The following PGGT1B variants were observed in gnomAD, a reference collection of about 807,000 sequenced individuals.
The protein encoded by PGGT1B is protein geranylgeranyltransferase type I subunit beta.
Under a neutral mutation model 46.1 loss-of-function variants are expected in PGGT1B, and 30 were observed. That is an observed-to-expected ratio of 0.65 (90% CI 0.49 to 0.88). The LOEUF (loss-of-function observed/expected upper bound fraction) is 0.88. PGGT1B is among the 40% of genes least tolerant of loss of function. PGGT1B has a pLI of 0.00. For synonymous variants in PGGT1B, 170 were observed against 160.0 expected (o/e 1.06, Z -0.47); for missense variants, 376 against 455.9 (o/e 0.82, Z 1.60).
rs934908468 is a variant in PGGT1B, at chr5:115,228,050, T to TA, written c.658+2925dup. Among the ~76,000 whole-genome samples, 11 of 152,304 alleles carry TA rather than the reference T, an allele frequency of 7.2e-5. 1 individual carries two copies. The highest frequency in any genetic ancestry group is 2.0e-4 in the Admixed American group (3 of 15,284). On this transcript the variant is annotated intron_variant, in intron 6 of 8. Transcript: ENST00000419445. ...TTCCCCCAGGCCAAAAAAATTTTTT[T>TA]AAAAAATCAATAAATCTACGTTATT... is the stretch of plus-strand genomic sequence containing the variant.
rs762202734 is a variant in PGGT1B, at chr5:115,262,876, G to A, written c.-25C>T. Reference sequence around the variant, plus strand: ...TGCTGCTCCGGAAGCGACGTCCGCCGCGACCCGGAATCAGTGCCCGCGGAG... The same window carrying A: ...TGCTGCTCCGGAAGCGACGTCCGCCACGACCCGGAATCAGTGCCCGCGGAG... On this transcript the variant is annotated 5_prime_UTR_variant, in exon 1 of 9. Coordinates refer to ENST00000419445, the MANE Select transcript of PGGT1B (RefSeq NM_005023.4). The A allele has an allele frequency of 6.2e-7, 1 of 1,611,098 alleles. No homozygotes were observed. The highest frequency in any genetic ancestry group is 1.1e-5 in the South Asian group (1 of 90,918).
At position 115,207,798 on chromosome 5, in the gene PGGT1B, C is replaced by T. The variant is rs1389126301; in HGVS notation, c.*4604G>A. 9 of 152,188 alleles carry T rather than the reference C, an allele frequency of 5.9e-5. No individual in the cohort carries two copies. In the East Asian group the frequency reaches 1.7e-3, roughly 29 times the overall value. 9.4% of individuals were successfully genotyped at this position (152,188 alleles called of 1,614,324 possible). A position where few individuals can be genotyped will look rare whatever the true frequency, so the allele number is the denominator to read the frequency against. ...ACTTCATTGGCTATAACTCTCAACA[C>T]ATTGTTAAGTAGCAGAGGAGTTAGT... On this transcript the variant is annotated 3_prime_UTR_variant, in exon 9 of 9. Coordinates refer to ENST00000419445, the MANE Select transcript of PGGT1B (RefSeq NM_005023.4).
In PGGT1B at chr5:115,207,829, T is replaced by C. The variant is rs1456905311; in HGVS notation, c.*4573A>G. ...TAAGTAGCAGAGGAGTTAGTGGGCA[T>C]GTCTTGTTCCTGACTTCAGCTGGAA... On this transcript the variant is annotated 3_prime_UTR_variant, in exon 9 of 9. Coordinates refer to ENST00000419445, the MANE Select transcript of PGGT1B (RefSeq NM_005023.4). The C allele has an allele frequency of 1.1e-4, 16 of 152,112 alleles. No individual in the cohort carries two copies. The highest frequency in any genetic ancestry group is 1.0e-3 in the Admixed American group (16 of 15,244). 9.4% of individuals were successfully genotyped at this position (152,112 alleles called of 1,614,324 possible).
At position 115,212,230 on chromosome 5, in the gene PGGT1B, A is replaced by T; in HGVS notation, c.*172T>A. ...TCAAACTTCAACAAAGATTTTCTTG[A>T]AACCCAGTATAAAGATTACTGGCTC... On this transcript the variant is annotated 3_prime_UTR_variant, in exon 9 of 9. Coordinates refer to ENST00000419445, the MANE Select transcript of PGGT1B (RefSeq NM_005023.4). The T allele has an allele frequency of 7.6e-6, 9 of 1,180,244 alleles. No homozygotes were observed. The highest frequency in any genetic ancestry group is 1.0e-5 in the Non-Finnish European group (9 of 876,312). 73.1% of individuals were successfully genotyped at this position (1,180,244 alleles called of 1,614,324 possible).
At chr5:115,237,767 C>A in intron 4 of PGGT1B, 91 bp downstream of exon 4, 1 of 1,041,772 alleles carries the variant, frequency 9.6e-7, no homozygotes, top group South Asian at 2.0e-5. Flanking sequence ...AGAGTATGAT[C>A]CTCTAAAGAT....
chr5:115,251,052 T>TA (rs1158582737), intron 2 of PGGT1B, among the ~76,000 whole-genome samples: 3 of 152,164 alleles, frequency 2.0e-5, no homozygotes, highest in Non-Finnish European at 4.4e-5. Flanking sequence ...TAGGCTCTTA[T>TA]AAAAAATACT....
At chr5:115,223,459 T>C (rs931060028) in intron 6 of PGGT1B, among the ~76,000 whole-genome samples, 30 of 152,080 alleles carry the variant, frequency 2.0e-4, no homozygotes, top group Non-Finnish European at 3.5e-4. Flanking sequence ...GCAATGCAAC[T>C]ATGGTGCCAG....
At chr5:115,230,430 T>C (rs1387591031) in intron 6 of PGGT1B, among the ~76,000 whole-genome samples, 1 of 152,122 alleles carries the variant, frequency 6.6e-6, no homozygotes, top group East Asian at 1.9e-4. Context: ...GCTATTGATG[T>C]GCTGACACTT....
At chr5:115,222,773 G>A (rs1325364021) in intron 6 of PGGT1B, among the ~76,000 whole-genome samples, 1 of 152,164 alleles carries the variant, frequency 6.6e-6, no homozygotes, top group Non-Finnish European at 1.5e-5. Context: ...ACACACCATG[G>A]AATACTATGT....
chr5:115,239,108 G>A (rs373145731), intron 3 of PGGT1B, among the ~76,000 whole-genome samples: 3 of 151,668 alleles, frequency 2.0e-5, no homozygotes, highest in East Asian at 1.9e-4. Context: ...GCACAATCTC[G>A]CTCACTGCAA....
chr5:115,216,208 C>A (rs902395563), intron 8 of PGGT1B, among the ~76,000 whole-genome samples: 1 of 152,032 alleles, frequency 6.6e-6, no homozygotes, highest in African/African-American at 2.4e-5. Flanking sequence ...GGTGCAATCT[C>A]GGCTCACTGG....
In PGGT1B at chr5:115,241,455, T is replaced by C. The variant is rs560597072; in HGVS notation, c.327+84A>G. 81 of 740,866 alleles carry C rather than the reference T, an allele frequency of 1.1e-4. 1 individual carries two copies. In the African/African-American group the frequency reaches 1.4e-3, roughly 13 times the overall value. The allele number at this position is 740,866 out of a possible 1,614,324, so 45.9% of individuals were successfully genotyped here. A position where few individuals can be genotyped will look rare whatever the true frequency, so the allele number is the denominator to read the frequency against. ...CACATTGAAATCTGGAAGCCTGTTT[T>C]TTTCTGTGTAACTTCTTAGTTTTCT... On this transcript the variant is annotated intron_variant, in intron 3 of 8. Transcript: ENST00000419445.
chr5:115,258,197 T>C (rs1043883740), intron 1 of PGGT1B, among the ~76,000 whole-genome samples: 7 of 152,222 alleles, frequency 4.6e-5, no homozygotes, highest in Non-Finnish European at 8.8e-5. Flanking sequence ...ACATGTTAAG[T>C]GCTATTACAT....
At chr5:115,230,897 G>A (rs570116075) in intron 6 of PGGT1B, 79 bp downstream of exon 6, 5 of 829,418 alleles carry the variant, frequency 6.0e-6, no homozygotes, top group Non-Finnish European at 1.0e-5. Flanking sequence ...AACTTCTGAG[G>A]TTCTCCATAC....
At position 115,236,509 on chromosome 5, in the gene PGGT1B, G is replaced by T. The variant is rs1476341030; in HGVS notation, c.493C>A (p.Pro165Thr). Residue 165 changes from proline (P) to threonine (T), a missense_variant, in exon 5 of 9, where the codon CCT becomes ACT. Pro to Thr is a conservative substitution (Grantham distance 38). This residue lies in a region of PGGT1B where 222 missense variants were observed against 313.6 expected (regional missense o/e 0.71). Coordinates refer to ENST00000419445, the MANE Select transcript of PGGT1B (RefSeq NM_005023.4). ...CGCATGTCATTTTCACTGCCTTCAG[G>T]TACTGCACAAAAACTGAAAATAATA... is the stretch of plus-strand genomic sequence containing the variant. Reference protein sequence around the residue: ...QLEDGSFCAVPEGSENDMRFV... With the variant: ...QLEDGSFCAVTEGSENDMRFV... 2.6e-6 allele frequency: 4 copies of T among 1,539,064 alleles called. No homozygotes were observed. The highest frequency in any genetic ancestry group is 3.5e-6 in the Non-Finnish European group (4 of 1,151,182).
chr5:115,223,912 G>C (rs1408343961), intron 6 of PGGT1B, among the ~76,000 whole-genome samples: 1 of 152,058 alleles, frequency 6.6e-6, no homozygotes, highest in Non-Finnish European at 1.5e-5. Context: ...TAAATGCCTT[G>C]TTCCTAATAC....
chr5:115,262,367 A>C (rs537592235), intron 1 of PGGT1B: 1 of 283,406 alleles, frequency 3.5e-6, no homozygotes, highest in African/African-American at 2.2e-5. Context: ...ATTCATCTAA[A>C]AATACGACGA....
At chr5:115,239,587 T>G (rs987180194) in intron 3 of PGGT1B, among the ~76,000 whole-genome samples, 6 of 152,156 alleles carry the variant, frequency 3.9e-5, no homozygotes, top group African/African-American at 9.7e-5. Context: ...TCCTTAACCT[T>G]AAGAGCAGAA....
intron 3 of PGGT1B, among the ~76,000 whole-genome samples, chr5:115,238,451 C>A (rs531876474): frequency 6.6e-6 from 1 of 151,604 alleles, no homozygotes; most frequent in Non-Finnish European, 1.5e-5. Flanking sequence ...CTACAACAGG[C>A]ACAAACCACC....
Sources: allele counts gnomAD v4.1 joint callset (sites outside exome capture counted in the v4.1 genomes callset), GRCh38; gene constraint gnomAD v4.1.1; regional missense constraint gnomAD v4.1.1; transcripts MANE v1.5; gene names NCBI Gene and HGNC (gene_info 2026-07-23, HGNC 2026-07-21).